The following XRCC4 variants were observed in gnomAD, a reference collection of about 807,000 sequenced individuals.
XRCC4 encodes the protein X-ray repair cross complementing 4.
In XRCC4, 28 loss-of-function variants were observed where a neutral mutation model predicts 39.1. The observed-to-expected ratio is 0.72, with a 90% confidence interval of 0.53 to 0.98. The LOEUF is 0.98. Among genes scored for constraint, XRCC4 ranks in the 50% least tolerant of loss-of-function variants. The pLI is 0.00. For missense variants in XRCC4, 350 were observed against 376.4 expected (o/e 0.93, Z 0.58); for synonymous variants, 123 against 126.4 (o/e 0.97, Z 0.18).
At chr5:83,297,852 G>A (rs1276832597) in intron 7 of XRCC4, among the ~76,000 whole-genome samples, 1 of 151,802 alleles carries the variant, frequency 6.6e-6, no homozygotes, top group East Asian at 1.9e-4. Flanking sequence ...GCAGCTCTCT[G>A]CTCCCATCTC....
intron 3 of XRCC4, among the ~76,000 whole-genome samples, chr5:83,112,068 A>C (rs1039651750): frequency 2.5e-4 from 38 of 152,306 alleles, no homozygotes; most frequent in African/African-American, 8.4e-4. Flanking sequence ...AAACAAATGG[A>C]GTCATTATAA....
the XRCC4 span, among the ~76,000 whole-genome samples, chr5:83,367,239 C>A: frequency 6.6e-6 from 1 of 152,158 alleles, no homozygotes; most frequent in Non-Finnish European, 1.5e-5. Context: ...CTAAATCTCA[C>A]TTGAGAGGTT....
intron 1 of XRCC4, among the ~76,000 whole-genome samples, chr5:83,093,583 G>A (rs1019164432): frequency 1.3e-5 from 2 of 152,140 alleles, no homozygotes; most frequent in African/African-American, 4.8e-5. Flanking sequence ...TTAGGAAGTT[G>A]AAGAAGACTG....
chr5:83,340,088 T>C (rs1756709331), intron 7 of XRCC4, among the ~76,000 whole-genome samples: 1 of 152,202 alleles, frequency 6.6e-6, no homozygotes, highest in Admixed American at 6.6e-5. Context: ...CTTTGAGCTA[T>C]AGATAATATT....
intron 3 of XRCC4, among the ~76,000 whole-genome samples, chr5:83,148,403 T>C (rs1240662046): frequency 6.6e-6 from 1 of 152,200 alleles, no homozygotes; most frequent in Non-Finnish European, 1.5e-5. Flanking sequence ...GACTTAACTG[T>C]TACTCTTCAG....
chr5:83,092,681 A>G (rs1745481645), intron 1 of XRCC4, among the ~76,000 whole-genome samples: 1 of 152,128 alleles, frequency 6.6e-6, no homozygotes, highest in African/African-American at 2.4e-5. Context: ...GTATTTAATC[A>G]ATGTTAAGCT....
intron 3 of XRCC4, among the ~76,000 whole-genome samples, chr5:83,164,069 A>G (rs1749345822): frequency 6.6e-6 from 1 of 152,188 alleles, no homozygotes; most frequent in South Asian, 2.1e-4. Context: ...AAATAAAACA[A>G]AAACCTATTG....
intron 6 of XRCC4, among the ~76,000 whole-genome samples, chr5:83,254,988 G>A (rs992782093): frequency 2.0e-5 from 3 of 151,784 alleles, no homozygotes; most frequent in African/African-American, 7.3e-5. Flanking sequence ...TCAGGAGCCC[G>A]AGGCAGGAGA....
At chr5:83,194,336 T>C (rs1195385236) in intron 3 of XRCC4, among the ~76,000 whole-genome samples, 1 of 152,246 alleles carries the variant, frequency 6.6e-6, no homozygotes, top group Admixed American at 6.5e-5. Flanking sequence ...ATTTATTTAT[T>C]CTTTATATAG....
chr5:83,115,664 G>A (rs965337192), intron 3 of XRCC4, among the ~76,000 whole-genome samples: 2 of 152,132 alleles, frequency 1.3e-5, no homozygotes, highest in African/African-American at 4.8e-5. Context: ...CACCCTGAAA[G>A]TAAACAACTT....
chr5:83,282,193 T>G (rs1754566243), intron 7 of XRCC4, among the ~76,000 whole-genome samples: 1 of 152,196 alleles, frequency 6.6e-6, no homozygotes, highest in African/African-American at 2.4e-5. Flanking sequence ...AGAGACAATG[T>G]CGAAGTTGCT....
chr5:83,348,357 A>C (rs1476722385), intron 7 of XRCC4, among the ~76,000 whole-genome samples: 3 of 152,180 alleles, frequency 2.0e-5, no homozygotes, highest in Non-Finnish European at 2.9e-5. Context: ...CCATACATCC[A>C]CTGAAACCTA....
Position 83,353,372 on chromosome 5 carries a change from T to C in XRCC4, c.*130T>C. On this transcript the variant is annotated 3_prime_UTR_variant, in exon 8 of 8. Transcript: ENST00000396027. The stretch of plus-strand genomic sequence containing the variant: ...ACAATTTAATTACATACACAGTGAA[T>C]TGAAACCATTGTGCAAAATGGATTA... The C allele has an allele frequency of 1.5e-6, 1 of 687,280 alleles. No homozygotes were observed. Among genetic ancestry groups the C allele is most frequent in the Non-Finnish European group, 2.4e-6 (1 of 416,842 alleles). 42.6% of individuals were successfully genotyped at this position (687,280 alleles called of 1,614,324 possible).
intron 3 of XRCC4, among the ~76,000 whole-genome samples, chr5:83,120,864 T>A (rs1746977837): frequency 6.6e-6 from 1 of 152,206 alleles, no homozygotes; most frequent in Non-Finnish European, 1.5e-5. Flanking sequence ...TACATACCCA[T>A]GAAACTGTCA....
chr5:83,276,064 T>C (rs1364738410), intron 7 of XRCC4, among the ~76,000 whole-genome samples: 3 of 152,204 alleles, frequency 2.0e-5, no homozygotes, highest in Non-Finnish European at 4.4e-5. Flanking sequence ...ATTTTTTGAC[T>C]TTATGATGGT....
chr5:83,122,526 T>C (rs1747059461), intron 3 of XRCC4, among the ~76,000 whole-genome samples: 1 of 152,168 alleles, frequency 6.6e-6, no homozygotes, highest in African/African-American at 2.4e-5. Flanking sequence ...AATTTATAAA[T>C]CTTGATTTAG....
chr5:83,304,164 G>A (rs73769445), intron 7 of XRCC4, among the ~76,000 whole-genome samples: 2,982 of 151,050 alleles, frequency 0.02, 85 homozygotes, highest in African/African-American at 0.069. Flanking sequence ...AAATTACTGG[G>A]CTGTTAAACA....
intron 1 of XRCC4, among the ~76,000 whole-genome samples, chr5:83,080,845 G>T (rs1327119059): frequency 2.6e-5 from 4 of 152,184 alleles, no homozygotes; most frequent in Admixed American, 6.5e-5. Context: ...GCAAAAAAAG[G>T]AAAGTTCTCC....
At chr5:83,179,042 C>T (rs938927223) in intron 3 of XRCC4, among the ~76,000 whole-genome samples, 1 of 152,180 alleles carries the variant, frequency 6.6e-6, no homozygotes, top group African/African-American at 2.4e-5. Context: ...ATAGATTGAC[C>T]TGCCATGTAC....
Sources: gnomAD v4.1 joint callset for allele counts (sites outside exome capture counted in the v4.1 genomes callset) on GRCh38, gnomAD v4.1.1 for gene constraint, MANE v1.5 for transcripts, NCBI Gene and HGNC (gene_info 2026-07-23, HGNC 2026-07-21) for gene names.